Variants in ERBIN observed in about 807,000 individuals in gnomAD.
ERBIN encodes erbb2 interacting protein, also known as densin-180-like protein.
Under a neutral mutation model 158.4 loss-of-function variants are expected in ERBIN, and 60 were observed. The observed-to-expected ratio is 0.38, with a 90% confidence interval of 0.31 to 0.47. The LOEUF is 0.47. Among genes scored for constraint, ERBIN ranks in the 20% least tolerant of loss-of-function variants. The pLI is 0.99. For synonymous variants in ERBIN, 594 were observed against 557.2 expected, an observed-to-expected ratio of 1.07 and a Z score of -0.93; for missense variants, 1,610 against 1,648.0, an observed-to-expected ratio of 0.98 and a Z score of 0.40.
chr5:66,017,327 T>A (rs1754866171), intron 7 of ERBIN, among the ~76,000 whole-genome samples: 1 of 152,270 alleles, frequency 6.6e-6, no homozygotes, highest in East Asian at 1.9e-4. Context: ...GTTCAGAGAT[T>A]CCTCTTTGTT....
intron 1 of ERBIN, among the ~76,000 whole-genome samples, chr5:65,940,138 TGAG>T (rs1295978227): frequency 6.7e-6 from 1 of 148,846 alleles, no homozygotes; most frequent in Non-Finnish European, 1.5e-5. Flanking sequence ...ATCTAGGAAG[TGAG>T]GAGCGTCTCT....
chr5:66,055,026 C>T (rs1470411843), intron 21 of ERBIN, 75 bp downstream of exon 21: 7 of 1,444,746 alleles, frequency 4.8e-6, no homozygotes, highest in Middle Eastern at 5.1e-4. Flanking sequence ...AAACAAGATT[C>T]TCTGAATTAC....
At chr5:66,015,436 G>A (rs1365815669) in intron 7 of ERBIN, among the ~76,000 whole-genome samples, 7 of 152,142 alleles carry the variant, frequency 4.6e-5, no homozygotes, top group Admixed American at 4.6e-4. Flanking sequence ...CATATTGTCT[G>A]TGGCTACTTT....
At chr5:65,937,886 G>C (rs1744287813) in intron 1 of ERBIN, among the ~76,000 whole-genome samples, 1 of 152,076 alleles carries the variant, frequency 6.6e-6, no homozygotes, top group African/African-American at 2.4e-5. Flanking sequence ...CCAGCCTGGG[G>C]GACTGAGCTA....
chr5:65,997,262 T>C (rs530090843), intron 4 of ERBIN, among the ~76,000 whole-genome samples: 4 of 152,328 alleles, frequency 2.6e-5, no homozygotes, highest in African/African-American at 4.8e-5. Context: ...TGGCCTTTAT[T>C]GTGTTGAGGT....
At position 66,079,293 on chromosome 5, in the gene ERBIN, T is replaced by A. The variant is rs1762267892; in HGVS notation, c.*763T>A. ...CATTTGCTACTGGTGATTCAGTTTT[T>A]AATTTTTTAGTCACAGGAAATTTTT... On this transcript the variant is annotated 3_prime_UTR_variant, in exon 26 of 26. Transcript: ENST00000284037. 1 of 152,480 alleles carries A rather than the reference T, an allele frequency of 6.6e-6. No homozygotes were observed. Among genetic ancestry groups the A allele is most frequent in the African/African-American group, 2.4e-5 (1 of 41,452 alleles). The allele number at this position is 152,480 out of a possible 1,614,324, so 9.4% of individuals were successfully genotyped here.
At chr5:66,059,268 G>C (rs1327611381) in intron 21 of ERBIN, among the ~76,000 whole-genome samples, 4 of 152,074 alleles carry the variant, frequency 2.6e-5, no homozygotes, top group Non-Finnish European at 5.9e-5. Flanking sequence ...TTGTAAGTTG[G>C]ATTCCTAGGT....
In ERBIN at chr5:66,078,715, G is replaced by C. The variant is rs1422880931; in HGVS notation, c.*185G>C. Reference sequence around the variant, plus strand: ...AAGAACCACTGTACAGAATATAAAGGAGACTGTTGAATTCATACCATATAA... The same window carrying C: ...AAGAACCACTGTACAGAATATAAAGCAGACTGTTGAATTCATACCATATAA... On this transcript the variant is annotated 3_prime_UTR_variant, in exon 26 of 26. Coordinates refer to ENST00000284037, the MANE Select transcript of ERBIN (RefSeq NM_001253697.2). The C allele has an allele frequency of 1.8e-6, 1 of 565,656 alleles. No homozygotes were observed. The highest frequency in any genetic ancestry group is 3.1e-6 in the Non-Finnish European group (1 of 320,746). The allele number at this position is 565,656 out of a possible 1,614,324, so 35.0% of individuals were successfully genotyped here. A position where few individuals can be genotyped will look rare whatever the true frequency, so the allele number is the denominator to read the frequency against.
chr5:66,001,702 C>CT (rs1325055003), intron 4 of ERBIN, among the ~76,000 whole-genome samples: 2 of 152,102 alleles, frequency 1.3e-5, no homozygotes, highest in Admixed American at 1.3e-4. Context: ...CTTTTACAGT[C>CT]TATGATAAAA....
At chr5:66,034,505 T>C (rs1336360076) in intron 14 of ERBIN, among the ~76,000 whole-genome samples, 1 of 152,078 alleles carries the variant, frequency 6.6e-6, no homozygotes, top group African/African-American at 2.4e-5. Flanking sequence ...CAGGCTGTTA[T>C]TGAACTCCTG....
At chr5:66,058,299 G>T (rs943438726) in intron 21 of ERBIN, among the ~76,000 whole-genome samples, 1 of 151,950 alleles carries the variant, frequency 6.6e-6, no homozygotes, top group Non-Finnish European at 1.5e-5. Context: ...GTGATGATGA[G>T]CACTTTTTCA....
In ERBIN at chr5:66,041,026, T is replaced by A. The variant is rs114167092; in HGVS notation, c.1307-2051T>A. 8.5e-3 allele frequency among the ~76,000 whole-genome samples: 1,295 copies of A among 152,020 alleles called. 7 individuals carry two copies. The highest frequency in any genetic ancestry group is 0.014 in the Non-Finnish European group (952 of 67,826). ...AGAAAGCAGGATATTAGTGGAAATATGAGTCTGAGGGTTTTTATTGCATTT... is the reference window on the plus strand; with the variant it reads ...AGAAAGCAGGATATTAGTGGAAATAAGAGTCTGAGGGTTTTTATTGCATTT... On this transcript the variant is annotated intron_variant, in intron 15 of 25. Coordinates refer to ENST00000284037, the MANE Select transcript of ERBIN (RefSeq NM_001253697.2).
chr5:65,957,923 G>A (rs537782028), intron 1 of ERBIN, among the ~76,000 whole-genome samples: 5 of 150,904 alleles, frequency 3.3e-5, no homozygotes, highest in Admixed American at 3.3e-4. Flanking sequence ...GGGCGGAGGG[G>A]CTCCTCACTT....
At chr5:66,077,807 CACAG>C (rs1303234679) in intron 25 of ERBIN, among the ~76,000 whole-genome samples, 191 of 134,526 alleles carry the variant, frequency 1.4e-3, no homozygotes, top group African/African-American at 7.0e-3. Flanking sequence ...CACACACACA[CACAG>C]TCACACTCAC....
intron 4 of ERBIN, among the ~76,000 whole-genome samples, chr5:65,997,317 A>G (rs1752543686): frequency 6.6e-6 from 1 of 152,130 alleles, no homozygotes; most frequent in South Asian, 2.1e-4. Context: ...TTATGAAAGG[A>G]CGTTGAATTT....
At chr5:66,035,146 C>A (rs920520501) in intron 14 of ERBIN, among the ~76,000 whole-genome samples, 1 of 152,088 alleles carries the variant, frequency 6.6e-6, no homozygotes, top group African/African-American at 2.4e-5. Context: ...TCATGGTTAC[C>A]CTAGGCTCTG....
intron 1 of ERBIN, among the ~76,000 whole-genome samples, chr5:65,931,360 A>T (rs1291832207): frequency 6.6e-6 from 1 of 152,230 alleles, no homozygotes; most frequent in Non-Finnish European, 1.5e-5. Flanking sequence ...AAATGGAAAG[A>T]TGACTGAATA....
intron 17 of ERBIN, among the ~76,000 whole-genome samples, chr5:66,044,973 G>T (rs1355056191): frequency 6.6e-6 from 1 of 152,068 alleles, no homozygotes; most frequent in Non-Finnish European, 1.5e-5. Flanking sequence ...CTAGCTATTT[G>T]GGAGGCTTAA....
At chr5:66,076,974 TTTC>T (rs1313491791) in intron 25 of ERBIN, 25 bp downstream of exon 25, 1 of 1,487,128 alleles carries the variant, frequency 6.7e-7, no homozygotes, top group African/African-American at 1.4e-5. Flanking sequence ...TCTTTTTTTT[TTTC>T]ATTTTATAAC....
Sources: allele counts gnomAD v4.1 joint callset (sites outside exome capture counted in the v4.1 genomes callset), GRCh38; gene constraint gnomAD v4.1.1; transcripts MANE v1.5; gene names NCBI Gene and HGNC (gene_info 2026-07-23, HGNC 2026-07-21).